Variants in AKAP19 observed in about 807,000 individuals in gnomAD.
The protein encoded by AKAP19 is A-kinase anchoring protein 19, also known as small A-kinase anchoring protein.
chr2:190,189,648 G>A, the AKAP19 span: 2 of 152,094 alleles, frequency 1.3e-5, no homozygotes, highest in Admixed American at 1.3e-4. Flanking sequence ...CTATTTCCTT[G>A]GATAAGGTTA....
the AKAP19 span, among the ~76,000 whole-genome samples, chr2:189,899,787 G>T: frequency 0.037 from 1,974 of 53,540 alleles, 38 homozygotes; most frequent in African/African-American, 0.1. Context: ...TATTATAAAA[G>T]TATTATCTAT....
the AKAP19 span, among the ~76,000 whole-genome samples, chr2:189,988,480 T>C: frequency 6.6e-6 from 1 of 152,220 alleles, no homozygotes; most frequent in Admixed American, 6.5e-5. Context: ...TTAAATTCTT[T>C]CCCAAAGCTA....
At chr2:189,933,639 C>G in the AKAP19 span, among the ~76,000 whole-genome samples, 6 of 152,056 alleles carry the variant, frequency 3.9e-5, no homozygotes, top group African/African-American at 1.4e-4. Context: ...GCTCACAGAG[C>G]CTTTAATATG....
the AKAP19 span, chr2:190,201,858 G>A: frequency 6.0e-6 from 1 of 166,980 alleles, no homozygotes; most frequent in African/African-American, 2.4e-5. Context: ...ACATTTCCAG[G>A]TCATGAAGAG....
the AKAP19 span, among the ~76,000 whole-genome samples, chr2:189,997,578 G>T: frequency 1.3e-5 from 2 of 152,140 alleles, no homozygotes; most frequent in Non-Finnish European, 2.9e-5. Context: ...GCCTCACCCA[G>T]CTCCCATGCA....
the AKAP19 span, among the ~76,000 whole-genome samples, chr2:189,978,543 G>A: frequency 1.8e-3 from 268 of 152,266 alleles, no homozygotes; most frequent in Admixed American, 4.6e-3. Context: ...ATTGAACCTT[G>A]GAGGCGAAGT....
the AKAP19 span, among the ~76,000 whole-genome samples, chr2:189,990,860 C>G: frequency 6.6e-6 from 1 of 152,118 alleles, no homozygotes; most frequent in African/African-American, 2.4e-5. Flanking sequence ...CCTCACCATC[C>G]TTCCACCCTT....
At chr2:189,958,370 T>C in the AKAP19 span, among the ~76,000 whole-genome samples, 1 of 151,874 alleles carries the variant, frequency 6.6e-6, no homozygotes, top group African/African-American at 2.4e-5. Flanking sequence ...TCTGAGAATA[T>C]CAAACATTGA....
chr2:190,194,249 C>T, the AKAP19 span, among the ~76,000 whole-genome samples: 3 of 152,080 alleles, frequency 2.0e-5, no homozygotes, highest in African/African-American at 7.2e-5. Flanking sequence ...AATATCAACT[C>T]AAGTTGGAGC....
the AKAP19 span, among the ~76,000 whole-genome samples, chr2:189,955,577 C>T: frequency 1.3e-5 from 2 of 152,096 alleles, no homozygotes; most frequent in South Asian, 4.1e-4. Context: ...TTTACATTTC[C>T]ACCAGCAGTA....
the AKAP19 span, among the ~76,000 whole-genome samples, chr2:189,927,050 AT>A: frequency 5.3e-5 from 8 of 151,464 alleles, no homozygotes; most frequent in African/African-American, 1.7e-4. Context: ...TGCCTGGTTA[AT>A]TTTTTTTATT....
At chr2:189,895,363 G>C in the AKAP19 span, among the ~76,000 whole-genome samples, 1 of 152,060 alleles carries the variant, frequency 6.6e-6, no homozygotes. Context: ...CTATACCCTA[G>C]CACTTGTGTT....
At chr2:190,192,450 ATCTGTGTGTGTGTGTG>A in the AKAP19 span, among the ~76,000 whole-genome samples, 1 of 93,696 alleles carries the variant, frequency 1.1e-5, no homozygotes, top group African/African-American at 4.5e-5. Context: ...ATAATTCAGA[ATCTGTGTGTGTGTGTG>A]TGTGTGTGTG....
At chr2:190,035,077 T>C in the AKAP19 span, among the ~76,000 whole-genome samples, 1 of 152,106 alleles carries the variant, frequency 6.6e-6, no homozygotes, top group Non-Finnish European at 1.5e-5. Context: ...CTCATTTATA[T>C]AAAATGTAAT....
chr2:190,066,502 G>A, the AKAP19 span, among the ~76,000 whole-genome samples: 1 of 152,106 alleles, frequency 6.6e-6, no homozygotes, highest in Non-Finnish European at 1.5e-5. Context: ...GATACCTCTT[G>A]TCATTAACTT....
the AKAP19 span, among the ~76,000 whole-genome samples, chr2:189,944,680 G>T: frequency 2.6e-5 from 4 of 152,048 alleles, no homozygotes; most frequent in East Asian, 7.7e-4. Context: ...TATCATTAAC[G>T]AACAGATCAT....
the AKAP19 span, among the ~76,000 whole-genome samples, chr2:190,148,004 C>A: frequency 2.0e-5 from 3 of 152,146 alleles, no homozygotes; most frequent in Non-Finnish European, 4.4e-5. Flanking sequence ...TTATTTCTTT[C>A]TCTTGTCTGA....
At chr2:190,004,397 T>C in the AKAP19 span, among the ~76,000 whole-genome samples, 3 of 152,198 alleles carry the variant, frequency 2.0e-5, no homozygotes, top group Non-Finnish European at 2.9e-5. Context: ...GTTAACCTGA[T>C]ACACAATATA....
the AKAP19 span, among the ~76,000 whole-genome samples, chr2:189,987,479 G>T: frequency 6.6e-6 from 1 of 152,210 alleles, no homozygotes; most frequent in African/African-American, 2.4e-5. Flanking sequence ...GAGAGGCCAT[G>T]ATCTTTCAGT....
Sources: gnomAD v4.1 joint callset for allele counts (sites outside exome capture counted in the v4.1 genomes callset) on GRCh38, gnomAD v4.1.1 for gene constraint, MANE v1.5 for transcripts, NCBI Gene and HGNC (gene_info 2026-07-23, HGNC 2026-07-21) for gene names.